ZNF138: variants seen among roughly 807,000 people sequenced by gnomAD.
ZNF138 encodes zinc finger protein 138 (clone pHZ-32).
ZNF138 carries 33 observed loss-of-function variants against 33.0 expected under a neutral mutation model. The ratio of observed to expected loss-of-function variants is 1.00; its 90% CI spans 0.76 to 1.34. The LOEUF is 1.34. ZNF138 is among the 40% of genes most tolerant of loss of function. The pLI is 0.00. For synonymous variants in ZNF138, 139 were observed against 120.4 expected (o/e 1.15, Z -1.01); for missense variants, 360 against 370.8 (o/e 0.97, Z 0.24).
chr7:64,835,373 G>T (rs976118085), downstream of ZNF138: 5 of 152,240 alleles, frequency 3.3e-5, no homozygotes, highest in African/African-American at 1.2e-4. Context: ...ACATCTGGTT[G>T]AAAGTGACCC....
chr7:64,797,754 A>G (rs1199052541), intron 1 of ZNF138, among the ~76,000 whole-genome samples: 1 of 152,168 alleles, frequency 6.6e-6, no homozygotes, highest in Non-Finnish European at 1.5e-5. Flanking sequence ...AAAATAAAAC[A>G]AAATTAGGTT....
chr7:64,852,311 G>A, the ZNF138 span: 1 of 895,192 alleles, frequency 1.1e-6, no homozygotes, highest in Non-Finnish European at 1.8e-6. Context: ...TGAGATTTTT[G>A]TTGCTTATAG....
intron 3 of ZNF138, among the ~76,000 whole-genome samples, chr7:64,816,965 A>G (rs1788688421): frequency 6.6e-6 from 1 of 152,118 alleles, no homozygotes; most frequent in Admixed American, 6.5e-5. Context: ...TGTAATTCCC[A>G]TTTTATTTTT....
Position 64,794,515 on chromosome 7 carries a change from C to A in ZNF138, c.-54C>A. ...GGCCCAGCCTCTGTGGCGCTGTGAT[C>A]TGGTTATTGGGAGATTCACAGCTAA... On this transcript the variant is annotated 5_prime_UTR_variant, in exon 1 of 4. In the 5' UTR this introduces an upstream ATG that the reference lacks. Transcript: ENST00000307355. 1 of 1,611,524 alleles carries A rather than the reference C, an allele frequency of 6.2e-7. No homozygotes were observed. The highest frequency in any genetic ancestry group is 8.5e-7 in the Non-Finnish European group (1 of 1,178,360).
chr7:64,794,439 G>T lies in ZNF138; in HGVS notation c.-130G>T. ...GCGGCGGGGTCTTTGTCTCGCTGCA[G>T]CGGGTGCTGCAGGTCTGGCCTTCAC... On this transcript the variant is annotated 5_prime_UTR_variant, in exon 1 of 4. Coordinates refer to ENST00000307355, the MANE Select transcript of ZNF138 (RefSeq NM_001271639.2). 1 of 1,376,794 alleles carries T rather than the reference G, an allele frequency of 7.3e-7. No individual in the cohort carries two copies. Among genetic ancestry groups the T allele is most frequent in the Non-Finnish European group, 1.0e-6 (1 of 980,586 alleles). 85.3% of individuals were successfully genotyped at this position (1,376,794 alleles called of 1,614,324 possible).
At chr7:64,812,178 A>T (rs769731688) in intron 1 of ZNF138, among the ~76,000 whole-genome samples, 19 of 145,866 alleles carry the variant, frequency 1.3e-4, no homozygotes, top group Non-Finnish European at 2.7e-4. Context: ...TTTTTTTTTG[A>T]GACCCAGTCT....
At chr7:64,825,573 C>T (rs1789538351) in intron 3 of ZNF138, among the ~76,000 whole-genome samples, 1 of 137,962 alleles carries the variant, frequency 7.2e-6, no homozygotes, top group African/African-American at 2.7e-5. Context: ...CAGAGTATTG[C>T]TCTGTCGCCA....
At chr7:64,849,578 A>G in the ZNF138 span, among the ~76,000 whole-genome samples, 149,447 of 152,022 alleles carry the variant, frequency 0.98, 73,518 homozygotes, top group East Asian at 1. Context: ...ATGGGTAGGC[A>G]TGTCTGAGCT....
At chr7:64,825,316 G>A (rs1789498326) in intron 3 of ZNF138, among the ~76,000 whole-genome samples, 1 of 150,916 alleles carries the variant, frequency 6.6e-6, no homozygotes, top group Admixed American at 6.6e-5. Context: ...GGGACTACAG[G>A]CGCCCGCCAA....
intron 1 of ZNF138, among the ~76,000 whole-genome samples, chr7:64,799,576 C>T (rs115979013): frequency 0.014 from 2,193 of 152,216 alleles, 54 homozygotes; most frequent in African/African-American, 0.05. Context: ...CTTGCCTGAT[C>T]AGCTGTATTC....
chr7:64,838,519 G>A (rs1790429606), downstream of ZNF138, among the ~76,000 whole-genome samples: 1 of 152,156 alleles, frequency 6.6e-6, no homozygotes, highest in African/African-American at 2.4e-5. Flanking sequence ...TTGCAGGGCA[G>A]CTGCCAGGGC....
Position 64,833,137 on chromosome 7 carries a change from T to C in ZNF138, c.*935T>C, listed in dbSNP as rs950075564. 1 of 254,816 alleles carries C rather than the reference T, an allele frequency of 3.9e-6. No individual in the cohort carries two copies. Among genetic ancestry groups the C allele is most frequent in the Non-Finnish European group, 7.9e-6 (1 of 126,308 alleles). The allele number at this position is 254,816 out of a possible 1,614,324, so 15.8% of individuals were successfully genotyped here. The stretch of plus-strand genomic sequence containing the variant: ...TACAATCCTCAAAACTTCTTACACC[T>C]AAAATTCATGCAGGAGAGAAACACC... On this transcript the variant is annotated 3_prime_UTR_variant, in exon 4 of 4. Transcript: ENST00000307355.
At chr7:64,820,295 T>G (rs1468312504) in intron 3 of ZNF138, among the ~76,000 whole-genome samples, 2 of 151,628 alleles carry the variant, frequency 1.3e-5, no homozygotes, top group Non-Finnish European at 2.9e-5. Flanking sequence ...TCATCCAGTC[T>G]CCATCATTTT....
At chr7:64,803,044 A>G (rs1428843487) in intron 1 of ZNF138, among the ~76,000 whole-genome samples, 1 of 152,218 alleles carries the variant, frequency 6.6e-6, no homozygotes, top group Non-Finnish European at 1.5e-5. Context: ...TAAATTAGAA[A>G]TAAGAGGGTT....
chr7:64,822,644 A>G (rs762337341), intron 3 of ZNF138, among the ~76,000 whole-genome samples: 18 of 147,292 alleles, frequency 1.2e-4, no homozygotes, highest in Non-Finnish European at 2.4e-4. Context: ...TCATCTGTTT[A>G]TCTATTTTTG....
chr7:64,802,566 T>C (rs759378795), intron 1 of ZNF138, among the ~76,000 whole-genome samples: 1 of 152,096 alleles, frequency 6.6e-6, no homozygotes, highest in Non-Finnish European at 1.5e-5. Context: ...CAGAGTCAGA[T>C]TGGAAAGTAA....
Position 64,798,424 on chromosome 7 carries a change from G to A in ZNF138, c.3+3853G>A, listed in dbSNP as rs112932581. Among the ~76,000 whole-genome samples, 492 of 152,204 alleles carry A rather than the reference G, an allele frequency of 3.2e-3. 4 individuals are homozygous for A. The highest frequency in any genetic ancestry group is 8.5e-3 in the African/African-American group (351 of 41,522). ...TTATTTGACCGCTGAAGAAAAATTCGGCTATTTTTTTAAATACAAAAAAGA... is the reference window on the plus strand; with the variant it reads ...TTATTTGACCGCTGAAGAAAAATTCAGCTATTTTTTTAAATACAAAAAAGA... On this transcript the variant is annotated intron_variant, in intron 1 of 3. Coordinates refer to ENST00000307355, the MANE Select transcript of ZNF138 (RefSeq NM_001271639.2).
the ZNF138 span, among the ~76,000 whole-genome samples, chr7:64,839,525 C>T: frequency 6.6e-6 from 1 of 152,144 alleles, no homozygotes; most frequent in Admixed American, 6.5e-5. Flanking sequence ...GTGACCCGGA[C>T]TGGCCTTCCC....
chr7:64,816,030 G>A (rs1453712085), intron 3 of ZNF138, among the ~76,000 whole-genome samples: 2 of 151,628 alleles, frequency 1.3e-5, no homozygotes, highest in Non-Finnish European at 2.9e-5. Flanking sequence ...TGAAATGTGT[G>A]AGTAGTGGTT....
Sources: allele counts gnomAD v4.1 joint callset (sites outside exome capture counted in the v4.1 genomes callset), GRCh38; gene constraint gnomAD v4.1.1; transcripts MANE v1.5; gene names NCBI Gene and HGNC (gene_info 2026-07-23, HGNC 2026-07-21).